DKK2: variants seen among roughly 807,000 people sequenced by gnomAD.
DKK2 encodes the protein dickkopf-related protein 2.
Under a neutral mutation model 28.1 loss-of-function variants are expected in DKK2, and 11 were observed. That is an observed-to-expected ratio of 0.39 (90% CI 0.25 to 0.65). The LOEUF is 0.65. Among genes scored for constraint, DKK2 ranks in the 30% least tolerant of loss-of-function variants. The pLI, the probability that DKK2 is intolerant of heterozygous loss-of-function variation, is 0.47. For synonymous variants in DKK2, 135 were observed against 126.5 expected, an observed-to-expected ratio of 1.07 and a Z score of -0.45; for missense variants, 326 against 335.5, an observed-to-expected ratio of 0.97 and a Z score of 0.22.
chr4:106,930,041 C>G (rs1173689746), intron 1 of DKK2, among the ~76,000 whole-genome samples: 1 of 152,080 alleles, frequency 6.6e-6, no homozygotes, highest in Admixed American at 6.6e-5. Context: ...TTTCTAGAAG[C>G]CTCCGAATAC....
chr4:106,926,391 G>A (rs543678344), intron 1 of DKK2, among the ~76,000 whole-genome samples: 2 of 152,240 alleles, frequency 1.3e-5, no homozygotes, highest in African/African-American at 4.8e-5. Flanking sequence ...GGCTATGCTA[G>A]AAGCCAAAAT....
chr4:107,036,174 C>A lies in DKK2; in HGVS notation c.-583G>T, dbSNP rs982729243. 20 of 152,808 alleles carry A rather than the reference C, an allele frequency of 1.3e-4. No homozygotes were observed. The highest frequency in any genetic ancestry group is 4.8e-4 in the African/African-American group (20 of 41,548). The allele number at this position is 152,808 out of a possible 1,614,324, so 9.5% of individuals were successfully genotyped here. A position where few individuals can be genotyped will look rare whatever the true frequency, so the allele number is the denominator to read the frequency against. Reference sequence around the variant, plus strand: ...TCGAGATCTGAAGAGAATCGAGGTCCCCCACACGCGCACTCACAGTTGCCC... The same window carrying A: ...TCGAGATCTGAAGAGAATCGAGGTCACCCACACGCGCACTCACAGTTGCCC... On this transcript the variant is annotated 5_prime_UTR_variant, in exon 1 of 4. Transcript: ENST00000285311.
intron 1 of DKK2, among the ~76,000 whole-genome samples, chr4:107,000,024 A>G (rs1433317029): frequency 6.6e-6 from 1 of 152,222 alleles, no homozygotes; most frequent in East Asian, 1.9e-4. Context: ...AAATTTAATC[A>G]GAGAAGAGGA....
chr4:106,992,744 G>A (rs552062105), intron 1 of DKK2, among the ~76,000 whole-genome samples: 2 of 152,256 alleles, frequency 1.3e-5, no homozygotes, highest in East Asian at 3.9e-4. Context: ...CTAATGTTCT[G>A]GGGGCAGAGT....
At chr4:106,960,918 T>C (rs560641028) in intron 1 of DKK2, among the ~76,000 whole-genome samples, 19 of 152,304 alleles carry the variant, frequency 1.2e-4, no homozygotes, top group African/African-American at 4.1e-4. Flanking sequence ...TCTAATATCA[T>C]AGGCCTGCTC....
At chr4:106,965,537 T>C (rs879601909) in intron 1 of DKK2, among the ~76,000 whole-genome samples, 1 of 152,150 alleles carries the variant, frequency 6.6e-6, no homozygotes, top group Admixed American at 6.6e-5. Context: ...CAAAGAATAC[T>C]AATTCTTGGT....
At chr4:106,960,135 CACACACATATATATACATATAT>C (rs957406431) in intron 1 of DKK2, among the ~76,000 whole-genome samples, 1 of 140,050 alleles carries the variant, frequency 7.1e-6, no homozygotes, top group Non-Finnish European at 1.5e-5. Flanking sequence ...TATATATACA[CACACACATATATATACATATAT>C]ACACACATAT....
At chr4:107,010,241 C>G (rs965073256) in intron 1 of DKK2, among the ~76,000 whole-genome samples, 1 of 151,732 alleles carries the variant, frequency 6.6e-6, no homozygotes, top group East Asian at 1.9e-4. Flanking sequence ...GCCTCATCAA[C>G]TTAAAACTAT....
chr4:107,004,219 T>C (rs895538447), intron 1 of DKK2, among the ~76,000 whole-genome samples: 1 of 152,232 alleles, frequency 6.6e-6, no homozygotes, highest in African/African-American at 2.4e-5. Context: ...CTTCTCATGC[T>C]GTGGGCATCT....
intron 1 of DKK2, among the ~76,000 whole-genome samples, chr4:106,935,291 T>C (rs1367577863): frequency 6.6e-6 from 1 of 152,214 alleles, no homozygotes; most frequent in Non-Finnish European, 1.5e-5. Flanking sequence ...GGCGAGGCAT[T>C]GCCTCACTTG....
At chr4:107,013,435 T>C (rs1033750929) in intron 1 of DKK2, among the ~76,000 whole-genome samples, 1 of 151,214 alleles carries the variant, frequency 6.6e-6, no homozygotes, top group Non-Finnish European at 1.5e-5. Context: ...AGAACATACA[T>C]TAGGGAAAGG....
chr4:106,935,100 A>C (rs1321743744), intron 1 of DKK2, among the ~76,000 whole-genome samples: 2 of 151,952 alleles, frequency 1.3e-5, no homozygotes, highest in African/African-American at 4.8e-5. Flanking sequence ...AAAAAGCATG[A>C]CAAGGGGAGG....
At chr4:106,972,067 T>C (rs949492411) in intron 1 of DKK2, among the ~76,000 whole-genome samples, 7 of 152,122 alleles carry the variant, frequency 4.6e-5, no homozygotes, top group African/African-American at 1.7e-4. Context: ...AGGCCAGTAA[T>C]GCTGTAATAA....
intron 1 of DKK2, among the ~76,000 whole-genome samples, chr4:106,938,061 A>G (rs1196833987): frequency 9.0e-5 from 13 of 143,718 alleles, no homozygotes; most frequent in Admixed American, 2.1e-4. Flanking sequence ...TAAAAGAACT[A>G]GAAAAGCAAG....
intron 1 of DKK2, among the ~76,000 whole-genome samples, chr4:106,949,562 T>A (rs1018808335): frequency 2.0e-5 from 3 of 152,210 alleles, no homozygotes; most frequent in Admixed American, 1.3e-4. Context: ...TCAAAGTCAC[T>A]GACTGAGAGG....
chr4:106,929,658 A>C (rs1450686223), intron 1 of DKK2, among the ~76,000 whole-genome samples: 1 of 152,214 alleles, frequency 6.6e-6, no homozygotes, highest in Non-Finnish European at 1.5e-5. Context: ...GTTACTTATT[A>C]TTACAACCAT....
At chr4:106,994,120 C>T (rs1723240132) in intron 1 of DKK2, among the ~76,000 whole-genome samples, 1 of 152,182 alleles carries the variant, frequency 6.6e-6, no homozygotes, top group South Asian at 2.1e-4. Context: ...TGCCAACAGA[C>T]ACTGTATTTA....
intron 1 of DKK2, among the ~76,000 whole-genome samples, chr4:107,007,486 T>G (rs1268686867): frequency 1.3e-5 from 2 of 152,194 alleles, no homozygotes; most frequent in African/African-American, 4.8e-5. Flanking sequence ...AATAAATATA[T>G]TTTGAATAAA....
At position 107,035,673 on chromosome 4, in the gene DKK2, C is replaced by G; in HGVS notation, c.-82G>C. On this transcript the variant is annotated 5_prime_UTR_variant, in exon 1 of 4. Transcript: ENST00000285311. Reference sequence around the variant, plus strand: ...GGGAGGGAGGACCCCAACACGGGGCCCCTCACTTGGGTCGCGGGGGCTTGC... The same window carrying G: ...GGGAGGGAGGACCCCAACACGGGGCGCCTCACTTGGGTCGCGGGGGCTTGC... 6.7e-7 allele frequency: 1 copy of G among 1,488,786 alleles called. No individual in the cohort carries two copies. The allele number at this position is 1,488,786 out of a possible 1,614,324, so 92.2% of individuals were successfully genotyped here. A position where few individuals can be genotyped will look rare whatever the true frequency, so the allele number is the denominator to read the frequency against.
Sources: gnomAD v4.1 joint callset for allele counts (sites outside exome capture counted in the v4.1 genomes callset) on GRCh38, gnomAD v4.1.1 for gene constraint, MANE v1.5 for transcripts, NCBI Gene and HGNC (gene_info 2026-07-23, HGNC 2026-07-21) for gene names.